Variants in DIAPH3 observed in about 807,000 individuals in gnomAD.
DIAPH3 encodes the protein protein diaphanous homolog 3.
A neutral mutation model predicts 144.3 loss-of-function variants in DIAPH3; 117 were observed. That is an observed-to-expected ratio of 0.81 (90% confidence interval 0.70 to 0.95). The LOEUF (loss-of-function observed/expected upper bound fraction) is 0.95. Among genes scored for constraint, DIAPH3 ranks in the 40% least tolerant of loss-of-function variants. The pLI, the probability that DIAPH3 is intolerant of heterozygous loss-of-function variation, is 0.00. For synonymous variants in DIAPH3, 519 were observed against 488.9 expected (o/e 1.06, Z -0.81); for missense variants, 1,421 against 1,412.7 (o/e 1.01, Z -0.09).
At chr13:59,687,147 A>G (rs1294482447) in intron 27 of DIAPH3, among the ~76,000 whole-genome samples, 1 of 152,120 alleles carries the variant, frequency 6.6e-6, no homozygotes. Context: ...GTGCAGGAAG[A>G]ATTTTCTCTT....
At position 60,128,774 on chromosome 13, in the gene DIAPH3, T is replaced by C. The variant is rs181983756; in HGVS notation, c.213+4183A>G. Among the ~76,000 whole-genome samples, 12 of 151,650 alleles carry C rather than the reference T, an allele frequency of 7.9e-5. 1 individual carries two copies. In the East Asian group the frequency reaches 1.9e-3, roughly 25 times the overall value. ...ATGAAATCAATTTAGTGGATTCAAT[T>C]ACCTTTTTTTTTTTTTTAAGGAATG... On this transcript the variant is annotated intron_variant, in intron 2 of 27. Coordinates refer to ENST00000400324, the MANE Select transcript of DIAPH3 (RefSeq NM_001042517.2).
At chr13:59,806,997 T>C (rs1203336665) in intron 25 of DIAPH3, among the ~76,000 whole-genome samples, 2 of 151,840 alleles carry the variant, frequency 1.3e-5, no homozygotes, top group East Asian at 1.9e-4. Context: ...ATAAAAATCA[T>C]GACTTGACAA....
intron 25 of DIAPH3, among the ~76,000 whole-genome samples, chr13:59,775,961 A>G (rs2139291431): frequency 6.6e-6 from 1 of 152,326 alleles, no homozygotes; most frequent in South Asian, 2.1e-4. Flanking sequence ...AAAAGCTTCA[A>G]AGGAACTACT....
intron 27 of DIAPH3, among the ~76,000 whole-genome samples, chr13:59,763,813 A>G (rs1431251880): frequency 6.6e-6 from 1 of 151,980 alleles, no homozygotes; most frequent in African/African-American, 2.4e-5. Flanking sequence ...TCCATATTAA[A>G]TGTTTTCCTC....
chr13:60,148,187 A>T (rs1395355068), intron 1 of DIAPH3, among the ~76,000 whole-genome samples: 1 of 152,244 alleles, frequency 6.6e-6, no homozygotes, highest in Non-Finnish European at 1.5e-5. Context: ...GATAAATTCG[A>T]GTTGAGATAC....
In DIAPH3 at chr13:59,666,357, CAAAA is replaced by C. The variant is rs11421911; in HGVS notation, c.*223_*226del. The stretch of plus-strand genomic sequence containing the variant: ...TAAAGAACTGAGGAATACCAGGAGA[CAAAA>C]AAAAAAAAAAAAGGATTAAAGCCCG... On this transcript the variant is annotated 3_prime_UTR_variant, in exon 28 of 28. Transcript: ENST00000400324. 3.9e-3 allele frequency: 1,166 copies of C among 300,498 alleles called. No individual in the cohort carries two copies. The highest frequency in any genetic ancestry group is 6.1e-3 in the Middle Eastern group (7 of 1,144). 18.6% of individuals were successfully genotyped at this position (300,498 alleles called of 1,614,324 possible). A position where few individuals can be genotyped will look rare whatever the true frequency, so the allele number is the denominator to read the frequency against.
chr13:60,124,117 G>A (rs990594477), intron 2 of DIAPH3, among the ~76,000 whole-genome samples: 3 of 152,148 alleles, frequency 2.0e-5, no homozygotes, highest in African/African-American at 2.4e-5. Context: ...AAATCACATC[G>A]GAATGTACTA....
intron 14 of DIAPH3, among the ~76,000 whole-genome samples, chr13:59,977,059 C>T (rs191137012): frequency 2.0e-5 from 3 of 151,616 alleles, no homozygotes; most frequent in East Asian, 1.9e-4. Context: ...TTTCCCATTA[C>T]GCAATAAATA....
chr13:60,081,261 A>G (rs1446779084), intron 4 of DIAPH3, among the ~76,000 whole-genome samples: 2 of 152,058 alleles, frequency 1.3e-5, no homozygotes, highest in African/African-American at 2.4e-5. Context: ...AACACTGCAT[A>G]AGCATAGCAT....
Position 59,829,897 on chromosome 13 carries a change from T to A in DIAPH3, c.3027+3210A>T, listed in dbSNP as rs577114392. On this transcript the variant is annotated intron_variant, in intron 24 of 27. Coordinates refer to ENST00000400324, the MANE Select transcript of DIAPH3 (RefSeq NM_001042517.2). ...TGAAGACAGTGGTTCCAACCCCTGA[T>A]ATGTAATACAAAAATTAGCCTTCAC... is the stretch of plus-strand genomic sequence containing the variant. 2.0e-5 allele frequency among the ~76,000 whole-genome samples: 3 copies of A among 151,968 alleles called. No homozygotes were observed. The East Asian group carries it at 5.8e-4, about 29-fold the overall frequency.
At chr13:59,696,852 C>A (rs936633200) in intron 27 of DIAPH3, among the ~76,000 whole-genome samples, 3 of 151,956 alleles carry the variant, frequency 2.0e-5, no homozygotes, top group African/African-American at 7.2e-5. Flanking sequence ...CATGTATTTG[C>A]TTCTGCTTGC....
chr13:59,897,461 G>T (rs554798157), intron 20 of DIAPH3, among the ~76,000 whole-genome samples: 71 of 152,260 alleles, frequency 4.7e-4, no homozygotes, highest in Non-Finnish European at 8.7e-4. Flanking sequence ...TAAGGAAAGT[G>T]GGTGCTGGCC....
chr13:59,700,446 T>C (rs1180743780), intron 27 of DIAPH3, among the ~76,000 whole-genome samples: 2 of 152,186 alleles, frequency 1.3e-5, no homozygotes, highest in East Asian at 1.9e-4. Flanking sequence ...GAATGTAACA[T>C]TGGAGGATGT....
chr13:60,021,341 AG>A (rs2054003280), intron 5 of DIAPH3, among the ~76,000 whole-genome samples: 1 of 152,148 alleles, frequency 6.6e-6, no homozygotes, highest in Admixed American at 6.6e-5. Context: ...AAGCATAAAA[AG>A]GGATGGGCAC....
intron 1 of DIAPH3, among the ~76,000 whole-genome samples, chr13:60,153,958 C>T (rs919180383): frequency 2.6e-5 from 4 of 152,004 alleles, no homozygotes; most frequent in Non-Finnish European, 5.9e-5. Context: ...ACATAAAGAA[C>T]AGGCCCCTAA....
chr13:59,770,564 C>T (rs1043785211), intron 27 of DIAPH3, among the ~76,000 whole-genome samples: 5 of 152,114 alleles, frequency 3.3e-5, no homozygotes, highest in Admixed American at 1.3e-4. Context: ...GAAAGGACCT[C>T]CTGAAAAATT....
chr13:60,020,031 T>C (rs1594365918), intron 5 of DIAPH3, among the ~76,000 whole-genome samples: 1 of 152,298 alleles, frequency 6.6e-6, no homozygotes, highest in East Asian at 1.9e-4. Context: ...TGATCTGGAA[T>C]AAACATACCA....
At chr13:59,681,113 T>A (rs565691759) in intron 27 of DIAPH3, among the ~76,000 whole-genome samples, 12 of 152,096 alleles carry the variant, frequency 7.9e-5, no homozygotes, top group Non-Finnish European at 1.6e-4. Context: ...TAATGGGAGG[T>A]GTTACTCCTT....
At chr13:60,034,040 A>G (rs959389586) in intron 5 of DIAPH3, among the ~76,000 whole-genome samples, 6 of 152,234 alleles carry the variant, frequency 3.9e-5, no homozygotes, top group African/African-American at 1.4e-4. Flanking sequence ...ACTTGGCAAT[A>G]CTCTAAGACA....
Sources: gnomAD v4.1 joint callset for allele counts (sites outside exome capture counted in the v4.1 genomes callset) on GRCh38, gnomAD v4.1.1 for gene constraint, MANE v1.5 for transcripts, NCBI Gene and HGNC (gene_info 2026-07-23, HGNC 2026-07-21) for gene names.